ANK3: variants seen among roughly 807,000 people sequenced by gnomAD.
ANK3 encodes the protein ankyrin 3, also known as ankyrin-3.
ANK3 carries 57 observed loss-of-function variants against 370.9 expected under a neutral mutation model. That is an observed-to-expected ratio of 0.15 (90% CI 0.12 to 0.19). The LOEUF is 0.19. Ranked by LOEUF, ANK3 falls within the 10% of genes least tolerant of loss-of-function variation. ANK3 has a pLI of 1.00. For missense variants in ANK3, 4,439 were observed against 5,302.1 expected (o/e 0.84, Z 5.06); for synonymous variants, 1,929 against 1,946.3 (o/e 0.99, Z 0.23).
chr10:60,585,304 T>C (rs1326033243), intron 2 of ANK3, among the ~76,000 whole-genome samples: 1 of 152,186 alleles, frequency 6.6e-6, no homozygotes, highest in African/African-American at 2.4e-5. Flanking sequence ...AAGTTTTATG[T>C]ATATTGGTTG....
chr10:60,518,992 A>G (rs938274838), intron 2 of ANK3, among the ~76,000 whole-genome samples: 5 of 152,162 alleles, frequency 3.3e-5, no homozygotes, highest in African/African-American at 1.2e-4. Flanking sequence ...CTTCTGCCTT[A>G]GGGATGAGCA....
chr10:60,452,063 T>G (rs1238739272), intron 2 of ANK3, among the ~76,000 whole-genome samples: 2 of 152,250 alleles, frequency 1.3e-5, no homozygotes, highest in African/African-American at 4.8e-5. Context: ...AATGGAATAA[T>G]ATGTTTCTGT....
chr10:60,471,389 C>T (rs1273898020), intron 2 of ANK3, among the ~76,000 whole-genome samples: 1 of 152,106 alleles, frequency 6.6e-6, no homozygotes, highest in African/African-American at 2.4e-5. Context: ...CAGTTGGTAT[C>T]ATTTTTCCAG....
chr10:60,252,430 A>G (rs1001431219), intron 7 of ANK3, among the ~76,000 whole-genome samples: 2 of 152,212 alleles, frequency 1.3e-5, no homozygotes, highest in Admixed American at 1.3e-4. Context: ...TCTACAGCTA[A>G]TGAATAATTC....
At chr10:60,658,809 G>C (rs2133369975) in intron 1 of ANK3, among the ~76,000 whole-genome samples, 1 of 151,834 alleles carries the variant, frequency 6.6e-6, no homozygotes. Flanking sequence ...GCAGTTGACT[G>C]GCCTATTAGG....
At chr10:60,501,252 A>C (rs2075788365) in intron 2 of ANK3, among the ~76,000 whole-genome samples, 2 of 152,228 alleles carry the variant, frequency 1.3e-5, no homozygotes, top group Admixed American at 1.3e-4. Context: ...GAATGAAAAC[A>C]TCAGTGCTGA....
intron 1 of ANK3, among the ~76,000 whole-genome samples, chr10:60,683,820 C>A (rs570662498): frequency 1.3e-5 from 2 of 152,270 alleles, no homozygotes; most frequent in Non-Finnish European, 1.5e-5. Flanking sequence ...CCATACATGA[C>A]AACCACATAT....
At chr10:60,648,764 T>A (rs1252695436) in intron 1 of ANK3, among the ~76,000 whole-genome samples, 1 of 36,488 alleles carries the variant, frequency 2.7e-5, no homozygotes, top group Non-Finnish European at 6.4e-5. Flanking sequence ...AATAAGACTG[T>A]CTTAAAAAAA....
intron 2 of ANK3, among the ~76,000 whole-genome samples, chr10:60,404,775 G>T (rs2063419761): frequency 6.6e-6 from 1 of 152,110 alleles, no homozygotes; most frequent in Non-Finnish European, 1.5e-5. Context: ...TTAAGAAAAT[G>T]AATAGGCCAC....
chr10:60,542,539 A>C (rs1216442861), intron 2 of ANK3, among the ~76,000 whole-genome samples: 8 of 152,108 alleles, frequency 5.3e-5, no homozygotes, highest in Non-Finnish European at 1.2e-4. Flanking sequence ...GTGGATAAAA[A>C]GAAAGGGGAA....
At chr10:60,317,930 A>T (rs1460452402) in intron 1 of ANK3, among the ~76,000 whole-genome samples, 1 of 151,956 alleles carries the variant, frequency 6.6e-6, no homozygotes, top group Non-Finnish European at 1.5e-5. Context: ...GTTAGCCAGG[A>T]TGGTCTCGAT....
Position 60,228,317 on chromosome 10 carries a change from C to T in ANK3, c.897+6371G>A, listed in dbSNP as rs146818595. Among the ~76,000 whole-genome samples the T allele has an allele frequency of 6.3e-3, 952 of 152,008 alleles. 14 individuals are homozygous for T. The highest frequency in any genetic ancestry group is 0.022 in the African/African-American group (893 of 41,480). On this transcript the variant is annotated intron_variant, in intron 8 of 43. Transcript: ENST00000280772. ...TTGGGAGGCCGAGGTGGGCGGATCA[C>T]GAGGTCAAGAGTTCGAGACCAGCCT... is the stretch of plus-strand genomic sequence containing the variant.
intron 1 of ANK3, among the ~76,000 whole-genome samples, chr10:60,712,660 A>G (rs1274311283): frequency 6.6e-6 from 1 of 152,152 alleles, no homozygotes; most frequent in East Asian, 1.9e-4. Flanking sequence ...TAAAAGACAG[A>G]GACTGTTAGA....
intron 1 of ANK3, among the ~76,000 whole-genome samples, chr10:60,292,503 T>A (rs2041637760): frequency 6.6e-6 from 1 of 152,138 alleles, no homozygotes; most frequent in South Asian, 2.1e-4. Flanking sequence ...AAAAGTGTAA[T>A]CATGTTTATT....
intron 8 of ANK3, among the ~76,000 whole-genome samples, chr10:60,226,497 T>TATAGTATATATAC (rs1196849885): frequency 2.3e-5 from 2 of 85,354 alleles, no homozygotes; most frequent in Admixed American, 1.3e-4. Context: ...ATACATATAC[T>TATAGTATATATAC]ATAGTATATA....
chr10:60,255,221 G>A (rs764461914), intron 7 of ANK3, among the ~76,000 whole-genome samples: 7 of 152,136 alleles, frequency 4.6e-5, no homozygotes, highest in East Asian at 1.9e-4. Flanking sequence ...CACTTATTTC[G>A]TAGCAGGCAG....
chr10:60,570,565 A>G (rs549443912), intron 2 of ANK3, among the ~76,000 whole-genome samples: 2 of 152,260 alleles, frequency 1.3e-5, no homozygotes, highest in East Asian at 3.9e-4. Context: ...ATGAAATATA[A>G]TGAGGGGGAA....
intron 1 of ANK3, among the ~76,000 whole-genome samples, chr10:60,357,481 G>C (rs559396708): frequency 2.2e-4 from 33 of 151,920 alleles, no homozygotes; most frequent in African/African-American, 8.0e-4. Flanking sequence ...GACCTCCTCT[G>C]TAATCACTTC....
chr10:60,105,115 G>A (rs2091980031), intron 28 of ANK3, among the ~76,000 whole-genome samples: 1 of 152,068 alleles, frequency 6.6e-6, no homozygotes, highest in African/African-American at 2.4e-5. Context: ...AATAATTCCT[G>A]GATTTGGAGT....
Sources: allele counts gnomAD v4.1 joint callset (sites outside exome capture counted in the v4.1 genomes callset), GRCh38; gene constraint gnomAD v4.1.1; transcripts MANE v1.5; gene names NCBI Gene and HGNC (gene_info 2026-07-23, HGNC 2026-07-21).